Variants in RASGRP3 observed in about 807,000 individuals in gnomAD.
RASGRP3 encodes ras guanyl-releasing protein 3.
RASGRP3 carries 54 observed loss-of-function variants against 82.7 expected under a neutral mutation model. That is an observed-to-expected ratio of 0.65 (90% CI 0.52 to 0.82). RASGRP3 has a LOEUF of 0.82. Ranked by LOEUF, RASGRP3 falls within the 40% of genes least tolerant of loss-of-function variation. The pLI is 0.00. For missense variants in RASGRP3, 861 were observed against 828.9 expected (o/e 1.04, Z -0.48); for synonymous variants, 309 against 300.5 (o/e 1.03, Z -0.29).
At chr2:33,484,696 G>C (rs1378165069) in intron 1 of RASGRP3, among the ~76,000 whole-genome samples, 1 of 152,138 alleles carries the variant, frequency 6.6e-6, no homozygotes, top group Non-Finnish European at 1.5e-5. Flanking sequence ...CTGCTATTGA[G>C]AGAGGAAATA....
At position 33,562,741 on chromosome 2, in the gene RASGRP3, C is replaced by T; in HGVS notation, c.*4C>T. 2.5e-6 allele frequency: 4 copies of T among 1,613,506 alleles called. No homozygotes were observed. The highest frequency in any genetic ancestry group is 3.4e-6 in the Non-Finnish European group (4 of 1,179,458). On this transcript the variant is annotated 3_prime_UTR_variant, in exon 18 of 18. Transcript: ENST00000403687. ...ATTTGTGTTTCAGGATGGCTGACTT[C>T]AGGCTGCGGAAACTGAAGGCAATAA... is the stretch of plus-strand genomic sequence containing the variant.
chr2:33,457,864 A>G (rs1666127499), intron 2 of RASGRP3, among the ~76,000 whole-genome samples: 1 of 152,226 alleles, frequency 6.6e-6, no homozygotes, highest in Admixed American at 6.5e-5. Flanking sequence ...AAGTATATTT[A>G]TAGTGAAATT....
At chr2:33,517,446 A>G (rs749361420) in intron 4 of RASGRP3, among the ~76,000 whole-genome samples, 1 of 152,196 alleles carries the variant, frequency 6.6e-6, no homozygotes, top group Non-Finnish European at 1.5e-5. Context: ...GGGGAGCCTT[A>G]GAGAGAGAGG....
chr2:33,496,677 G>A (rs746893756), intron 1 of RASGRP3, among the ~76,000 whole-genome samples: 3 of 152,180 alleles, frequency 2.0e-5, no homozygotes, highest in Non-Finnish European at 2.9e-5. Flanking sequence ...GCAACATAGT[G>A]AAATCCTGTC....
At chr2:33,560,217 G>A (rs118081129) in intron 17 of RASGRP3, among the ~76,000 whole-genome samples, 22 of 152,034 alleles carry the variant, frequency 1.4e-4, no homozygotes, top group Middle Eastern at 3.4e-3. Context: ...CTACACCCAC[G>A]AGCAGTCATT....
chr2:33,555,486 G>C, intron 14 of RASGRP3, 45 bp from the exon 15 acceptor site: 2 of 1,537,576 alleles, frequency 1.3e-6, no homozygotes, highest in Non-Finnish European at 1.8e-6. Context: ...TTTCCTTCCA[G>C]ATCTATCCTC....
chr2:33,534,674 G>T (rs1271592548), intron 11 of RASGRP3, among the ~76,000 whole-genome samples: 1 of 149,390 alleles, frequency 6.7e-6, no homozygotes, highest in African/African-American at 2.5e-5. Flanking sequence ...AATTATAGGT[G>T]CACACTGCCA....
At chr2:33,545,766 G>T (rs1056938103) in intron 13 of RASGRP3, among the ~76,000 whole-genome samples, 1 of 149,094 alleles carries the variant, frequency 6.7e-6, no homozygotes, top group Admixed American at 6.8e-5. Flanking sequence ...ACTACGATGA[G>T]ATATCACCTC....
chr2:33,460,666 C>T (rs890348156), intron 2 of RASGRP3, among the ~76,000 whole-genome samples: 4 of 151,882 alleles, frequency 2.6e-5, no homozygotes, highest in African/African-American at 9.7e-5. Flanking sequence ...AGGCACAAGC[C>T]GCCATGCCCG....
intron 1 of RASGRP3, among the ~76,000 whole-genome samples, chr2:33,490,203 T>G (rs114731792): frequency 0.011 from 1,712 of 152,340 alleles, 25 homozygotes; most frequent in African/African-American, 0.038. Context: ...GTTCTCCTCA[T>G]CAGTGCATCG....
At chr2:33,444,282 C>T (rs1665388075) in intron 1 of RASGRP3, among the ~76,000 whole-genome samples, 1 of 152,164 alleles carries the variant, frequency 6.6e-6, no homozygotes, top group African/African-American at 2.4e-5. Context: ...TGCACTCCAG[C>T]ATGGGCAACA....
At chr2:33,558,053 C>A (rs1676203211) in intron 15 of RASGRP3, among the ~76,000 whole-genome samples, 158 bp from the exon 16 acceptor site, 2 of 152,082 alleles carry the variant, frequency 1.3e-5, no homozygotes, top group African/African-American at 4.8e-5. Flanking sequence ...TGGCCTCTTT[C>A]CAGATCCTAG....
chr2:33,447,307 G>A (rs1395005982), intron 1 of RASGRP3, among the ~76,000 whole-genome samples: 7 of 152,088 alleles, frequency 4.6e-5, no homozygotes, highest in Admixed American at 4.6e-4. Context: ...GACTGTTCTG[G>A]AACACTCTCT....
intron 1 of RASGRP3, among the ~76,000 whole-genome samples, chr2:33,510,438 C>T (rs964345649): frequency 6.6e-6 from 1 of 152,230 alleles, no homozygotes; most frequent in Admixed American, 6.5e-5. Flanking sequence ...CATGACCTAA[C>T]TTTGGCTTGA....
intron 12 of RASGRP3, 73 bp downstream of exon 12, chr2:33,539,283 C>T (rs1006511336): frequency 7.3e-5 from 91 of 1,252,430 alleles, no homozygotes; most frequent in Non-Finnish European, 1.0e-4. Flanking sequence ...CTGCGATTGT[C>T]CAGGAATCTG....
At chr2:33,467,744 A>G (rs1028198972) in intron 2 of RASGRP3, among the ~76,000 whole-genome samples, 6 of 152,180 alleles carry the variant, frequency 3.9e-5, no homozygotes, top group African/African-American at 1.2e-4. Context: ...GACAGTGCCT[A>G]TATGAGATTG....
chr2:33,446,926 G>A (rs1384513937), intron 1 of RASGRP3, among the ~76,000 whole-genome samples: 2 of 151,800 alleles, frequency 1.3e-5, no homozygotes, highest in Non-Finnish European at 2.9e-5. Context: ...GGTGCATTAC[G>A]AGGTCAGGAG....
chr2:33,532,663 TA>T (rs1673215881), intron 10 of RASGRP3: 1 of 152,196 alleles, frequency 6.6e-6, no homozygotes, highest in Non-Finnish European at 1.5e-5. Flanking sequence ...CTCTTCTTTG[TA>T]AGCAGGATTG....
At chr2:33,558,631 C>G (rs1453595812) in intron 16 of RASGRP3, 41 bp from the exon 17 acceptor site, 1 of 1,495,352 alleles carries the variant, frequency 6.7e-7, no homozygotes, top group South Asian at 1.3e-5. Context: ...TGCTGTCAAG[C>G]AGTCAGATGT....
Sources: allele counts gnomAD v4.1 joint callset (sites outside exome capture counted in the v4.1 genomes callset), GRCh38; gene constraint gnomAD v4.1.1; transcripts MANE v1.5; gene names NCBI Gene and HGNC (gene_info 2026-07-23, HGNC 2026-07-21).